IGF1R: variants seen among roughly 807,000 people sequenced by gnomAD.
IGF1R encodes the protein insulin-like growth factor 1 receptor.
IGF1R carries 44 observed loss-of-function variants against 144.6 expected under a neutral mutation model. The observed-to-expected ratio is 0.30, with a 90% CI of 0.24 to 0.39. The LOEUF is 0.39. Among genes scored for constraint, IGF1R ranks in the 10% least tolerant of loss-of-function variants. The probability of loss-of-function intolerance (pLI) is 1.00; values close to 1 mark genes in which losing one functional copy is unlikely to be tolerated. For synonymous variants in IGF1R, 795 were observed against 722.8 expected, an observed-to-expected ratio of 1.10 and a Z score of -1.60; for missense variants, 1,355 against 1,833.7, an observed-to-expected ratio of 0.74 and a Z score of 4.77.
At chr15:98,848,712 A>G (rs567090971) in intron 2 of IGF1R, among the ~76,000 whole-genome samples, 5 of 152,326 alleles carry the variant, frequency 3.3e-5, no homozygotes, top group Admixed American at 2.6e-4. Flanking sequence ...TGTTAAGACT[A>G]TCACCCTTTG....
intron 2 of IGF1R, 66 bp downstream of exon 2, chr15:98,708,173 C>G: frequency 1.4e-6 from 2 of 1,388,638 alleles, no homozygotes; most frequent in Non-Finnish European, 2.0e-6. Flanking sequence ...CCTTGACCTC[C>G]CTTCTCTTCT....
intron 13 of IGF1R, among the ~76,000 whole-genome samples, chr15:98,925,909 A>G (rs1030062167): frequency 2.0e-5 from 3 of 149,478 alleles, no homozygotes; most frequent in African/African-American, 7.3e-5. Context: ...TCTCAAGAAA[A>G]AAGGAAAAAA....
rs372443584 is a variant in IGF1R at position 98,665,231 on chromosome 15, G to A, written c.94+15556G>A. On this transcript the variant is annotated intron_variant, in intron 1 of 20. Transcript: ENST00000650285. Reference sequence around the variant, plus strand: ...CTCCCAAAGTGCTGGGATTAAAGGCGTGAGCCACCGCGCCCGGCAGGAACC... The same window carrying A: ...CTCCCAAAGTGCTGGGATTAAAGGCATGAGCCACCGCGCCCGGCAGGAACC... Among the ~76,000 whole-genome samples, 259 of 152,230 alleles carry A rather than the reference G, an allele frequency of 1.7e-3. 2 individuals are homozygous for A. Among genetic ancestry groups the A allele is most frequent in the African/African-American group, 5.7e-3 (235 of 41,542 alleles).
intron 2 of IGF1R, among the ~76,000 whole-genome samples, chr15:98,781,426 A>T (rs1327880035): frequency 1.3e-5 from 2 of 152,196 alleles, no homozygotes; most frequent in Non-Finnish European, 2.9e-5. Flanking sequence ...CGCACATCAG[A>T]TCGTATTTAA....
intron 2 of IGF1R, among the ~76,000 whole-genome samples, chr15:98,823,206 C>T (rs994088775): frequency 1.3e-5 from 2 of 152,266 alleles, no homozygotes; most frequent in African/African-American, 4.8e-5. Context: ...TGCTGTTCCT[C>T]TCTCTTTCTG....
rs148757128 is a variant in IGF1R at position 98,963,741 on chromosome 15, G to A, written c.*6299G>A. On this transcript the variant is annotated 3_prime_UTR_variant, in exon 21 of 21. Transcript: ENST00000650285. The stretch of plus-strand genomic sequence containing the variant: ...ATTACTGCTTTGTTAGAACACAGAA[G>A]AGACCCTATTTTATTTAAGGCAGAA... The A allele has an allele frequency of 4.3e-6, 1 of 233,206 alleles. No homozygotes were observed. Among genetic ancestry groups the A allele is most frequent in the African/African-American group, 2.2e-5 (1 of 45,458 alleles). The allele number at this position is 233,206 out of a possible 1,614,324, so 14.4% of individuals were successfully genotyped here. A position where few individuals can be genotyped will look rare whatever the true frequency, so the allele number is the denominator to read the frequency against.
chr15:98,916,722 G>T lies in IGF1R; in HGVS notation c.2047G>T (p.Val683Phe). 2 of 1,614,152 alleles carry T rather than the reference G, an allele frequency of 1.2e-6. No homozygotes were observed. Among genetic ancestry groups the T allele is most frequent in the Non-Finnish European group, 8.5e-7 (1 of 1,180,020 alleles). Residue 683 changes from valine (V) to phenylalanine (F), a missense_variant, in exon 10 of 21, where the codon GTC (valine) becomes TTC (phenylalanine). Val to Phe is a conservative substitution (Grantham distance 50, BLOSUM62 -1). Transcript: ENST00000650285. ...YADGTIDIEE[V>F]TENPKTEVCG... ...CGACGGCACCATCGACATTGAGGAG[G>T]TCACAGAGAACCCCAAGACTGAGGT...
At chr15:98,827,833 G>A (rs1464991670) in intron 2 of IGF1R, among the ~76,000 whole-genome samples, 3 of 152,040 alleles carry the variant, frequency 2.0e-5, no homozygotes, top group Non-Finnish European at 4.4e-5. Flanking sequence ...CACCTGCCTC[G>A]GCCTCCCAAA....
In IGF1R at chr15:98,916,866, T is replaced by C; in HGVS notation, c.2191T>C (p.Phe731Leu). 6.2e-7 allele frequency: 1 copy of C among 1,614,068 alleles called. No individual in the cohort carries two copies. Among genetic ancestry groups the C allele is most frequent in the Non-Finnish European group, 8.5e-7 (1 of 1,179,946 alleles). ...TGAGAATTTCCTGCACAACTCCATC[T>C]TCGTGCCCAGGTACCCAGCTCATGT... is the stretch of plus-strand genomic sequence containing the variant. ...VFENFLHNSIFVPRPERKRRD... is the reference protein window; with the variant it reads ...VFENFLHNSILVPRPERKRRD... Residue 731 changes from phenylalanine (F) to leucine (L), a missense_variant, in exon 10 of 21, where the codon TTC becomes CTC. Physicochemically the swap from Phe to Leu is conservative, Grantham distance 22 (BLOSUM62 0). This residue lies in a region of IGF1R where 880 missense variants were observed against 1,202.7 expected (regional missense o/e 0.73). Coordinates refer to ENST00000650285, the MANE Select transcript of IGF1R (RefSeq NM_000875.5).
intron 2 of IGF1R, among the ~76,000 whole-genome samples, chr15:98,805,808 C>T (rs1299817601): frequency 2.6e-5 from 4 of 152,228 alleles, no homozygotes; most frequent in Non-Finnish European, 1.5e-5. Context: ...CATAACATTT[C>T]TGACGCCAAA....
chr15:98,915,639 A>G (rs973511064), intron 8 of IGF1R, among the ~76,000 whole-genome samples: 1 of 152,216 alleles, frequency 6.6e-6, no homozygotes, highest in African/African-American at 2.4e-5. Flanking sequence ...ATAAATGAGA[A>G]ATACCAGGTG....
At chr15:98,687,516 GA>G (rs1226672080) in intron 1 of IGF1R, among the ~76,000 whole-genome samples, 1 of 152,234 alleles carries the variant, frequency 6.6e-6, no homozygotes, top group Non-Finnish European at 1.5e-5. Flanking sequence ...AAGGAGGTTG[GA>G]TTTTTCTCTG....
chr15:98,793,941 A>C (rs1468566628), intron 2 of IGF1R, among the ~76,000 whole-genome samples: 2 of 152,182 alleles, frequency 1.3e-5, no homozygotes, highest in African/African-American at 2.4e-5. Context: ...GCACAAAATG[A>C]GGGCAATTTT....
intron 2 of IGF1R, among the ~76,000 whole-genome samples, chr15:98,728,762 G>C (rs908513277): frequency 2.0e-5 from 3 of 152,238 alleles, no homozygotes; most frequent in African/African-American, 7.2e-5. Flanking sequence ...CACCCTCTCT[G>C]TAAGTTTTTA....
chr15:98,791,726 T>C (rs2056131163), intron 2 of IGF1R, among the ~76,000 whole-genome samples: 2 of 152,238 alleles, frequency 1.3e-5, no homozygotes, highest in Non-Finnish European at 2.9e-5. Context: ...AGTGCTACAA[T>C]GAGATAAATT....
At chr15:98,684,237 T>C (rs2053264547) in intron 1 of IGF1R, among the ~76,000 whole-genome samples, 1 of 149,106 alleles carries the variant, frequency 6.7e-6, no homozygotes, top group African/African-American at 2.5e-5. Flanking sequence ...TTTCATAGTT[T>C]TCAGTTTTAG....
chr15:98,734,735 G>A (rs1468988485), intron 2 of IGF1R: 1 of 152,206 alleles, frequency 6.6e-6, no homozygotes, highest in African/African-American at 2.4e-5. Context: ...CCCTGAGTTT[G>A]GAGAACTGAA....
chr15:98,920,180 G>A (rs1283168600), intron 10 of IGF1R, among the ~76,000 whole-genome samples: 1 of 152,166 alleles, frequency 6.6e-6, no homozygotes, highest in East Asian at 1.9e-4. Context: ...GGGAAAGTTG[G>A]CAGTAATGTT....
In IGF1R at chr15:98,935,259, A is replaced by G; in HGVS notation, c.3187-57A>G. On this transcript the variant is annotated intron_variant, in intron 16 of 20. Coordinates refer to ENST00000650285, the MANE Select transcript of IGF1R (RefSeq NM_000875.5). This position sits in a 1 kb window ranked among gnomAD's most constrained non-coding sequence, Gnocchi z 4.2. ...CCACAGAGACAGTTCCAGACAACACAGGCATCAGCAAGGGCCACCTGACCC... is the reference window on the plus strand; with the variant it reads ...CCACAGAGACAGTTCCAGACAACACGGGCATCAGCAAGGGCCACCTGACCC... 1 of 1,079,148 alleles carries G rather than the reference A, an allele frequency of 9.3e-7. No individual in the cohort carries two copies. Among genetic ancestry groups the G allele is most frequent in the Non-Finnish European group, 1.3e-6 (1 of 769,648 alleles). The allele number at this position is 1,079,148 out of a possible 1,614,324, so 66.8% of individuals were successfully genotyped here. A position where few individuals can be genotyped will look rare whatever the true frequency, so the allele number is the denominator to read the frequency against.
Sources: gnomAD v4.1 joint callset for allele counts (sites outside exome capture counted in the v4.1 genomes callset) on GRCh38, gnomAD v4.1.1 for gene constraint, gnomAD v4.1.1 regional missense constraint, Gnocchi (gnomAD v3.1) non-coding constraint, MANE v1.5 for transcripts, NCBI Gene and HGNC (gene_info 2026-07-23, HGNC 2026-07-21) for gene names.